RAB38: variants seen among roughly 807,000 people sequenced by gnomAD.
RAB38 encodes ras-related protein Rab-38.
A neutral mutation model predicts 18.4 loss-of-function variants in RAB38; 15 were observed. The observed-to-expected ratio is 0.82, with a 90% confidence interval of 0.55 to 1.26. The LOEUF is 1.26. RAB38 is among the 50% of genes most tolerant of loss of function. The probability of loss-of-function intolerance (pLI) is 0.00; values close to 1 mark genes in which losing one functional copy is unlikely to be tolerated. For missense variants in RAB38, 294 were observed against 267.4 expected (o/e 1.10, Z -0.69); for synonymous variants, 101 against 104.4 (o/e 0.97, Z 0.20).
chr11:88,004,433 A>G, the RAB38 span, among the ~76,000 whole-genome samples: 2 of 151,260 alleles, frequency 1.3e-5, no homozygotes, highest in African/African-American at 4.8e-5. Flanking sequence ...TACCAATTCT[A>G]TCAAAAACTA....
At chr11:88,163,710 C>T (rs12574131) in intron 1 of RAB38, among the ~76,000 whole-genome samples, 37,901 of 152,056 alleles carry the variant, frequency 0.25, 4,768 homozygotes, top group Admixed American at 0.27. Context: ...ATTATAGTGA[C>T]CTACTTTTGA....
At chr11:87,964,009 AAC>A in the RAB38 span, among the ~76,000 whole-genome samples, 1 of 152,182 alleles carries the variant, frequency 6.6e-6, no homozygotes, top group African/African-American at 2.4e-5. Flanking sequence ...ATAAGGGAAA[AAC>A]ACACAAAAAT....
chr11:87,830,006 T>G, the RAB38 span, among the ~76,000 whole-genome samples: 1 of 152,192 alleles, frequency 6.6e-6, no homozygotes, highest in Non-Finnish European at 1.5e-5. Flanking sequence ...TTCTGTCAAT[T>G]GAATAGTCAG....
chr11:88,038,261 C>T, the RAB38 span, among the ~76,000 whole-genome samples: 2 of 152,250 alleles, frequency 1.3e-5, no homozygotes, highest in African/African-American at 4.8e-5. Flanking sequence ...CAGCAGCTTT[C>T]CTAGTGTCCA....
At chr11:88,089,574 C>T in the RAB38 span, among the ~76,000 whole-genome samples, 42 of 152,036 alleles carry the variant, frequency 2.8e-4, no homozygotes, top group Admixed American at 1.2e-3. Flanking sequence ...AACCTTGCTA[C>T]AATTGACTGG....
the RAB38 span, among the ~76,000 whole-genome samples, chr11:88,064,107 A>G: frequency 6.6e-6 from 1 of 152,230 alleles, no homozygotes; most frequent in Non-Finnish European, 1.5e-5. Flanking sequence ...ACTGTCATCA[A>G]TGGAGATTCC....
chr11:87,857,234 A>G, the RAB38 span, among the ~76,000 whole-genome samples: 3 of 152,140 alleles, frequency 2.0e-5, no homozygotes, highest in Admixed American at 1.3e-4. Context: ...TGATGCATAT[A>G]TGCCACATTT....
chr11:87,975,711 A>T, the RAB38 span, among the ~76,000 whole-genome samples: 1 of 151,818 alleles, frequency 6.6e-6, no homozygotes, highest in Non-Finnish European at 1.5e-5. Flanking sequence ...TTAATTCTAA[A>T]TATGCTGTAA....
the RAB38 span, among the ~76,000 whole-genome samples, chr11:88,012,759 A>G: frequency 2.6e-5 from 4 of 152,106 alleles, no homozygotes; most frequent in Admixed American, 6.6e-5. Flanking sequence ...CTCCTCCACT[A>G]TACTTCCTGT....
chr11:88,141,890 A>G (rs1169210257), intron 2 of RAB38, among the ~76,000 whole-genome samples: 2 of 152,090 alleles, frequency 1.3e-5, no homozygotes, highest in African/African-American at 4.8e-5. Context: ...CTACCCTCAT[A>G]CATCATATGG....
the RAB38 span, among the ~76,000 whole-genome samples, chr11:87,878,222 T>TATATATATATATATATATAC: frequency 1.1e-3 from 130 of 116,192 alleles, 6 homozygotes; most frequent in Admixed American, 1.6e-3. Context: ...TATATATATA[T>TATATATATATATATATATAC]ACACACATAT....
At chr11:88,169,315 G>T (rs1198154052) in intron 1 of RAB38, among the ~76,000 whole-genome samples, 1 of 152,120 alleles carries the variant, frequency 6.6e-6, no homozygotes. Flanking sequence ...ATTAAGTGGG[G>T]GCAAATATGC....
intron 1 of RAB38, among the ~76,000 whole-genome samples, chr11:88,152,860 C>A (rs1204049037): frequency 1.3e-5 from 2 of 152,218 alleles, no homozygotes; most frequent in African/African-American, 2.4e-5. Flanking sequence ...ATACTTTGTG[C>A]TGGAAATATA....
chr11:87,957,978 G>C, the RAB38 span, among the ~76,000 whole-genome samples: 2 of 152,090 alleles, frequency 1.3e-5, no homozygotes, highest in Non-Finnish European at 2.9e-5. Flanking sequence ...ATAAAGCACA[G>C]CTGGTCCCAG....
At chr11:87,859,742 A>G in the RAB38 span, among the ~76,000 whole-genome samples, 1 of 152,036 alleles carries the variant, frequency 6.6e-6, no homozygotes, top group Non-Finnish European at 1.5e-5. Flanking sequence ...TCAGGGATTA[A>G]CAATAGGTCA....
At chr11:87,850,714 CCACACACACACACA>C in the RAB38 span, among the ~76,000 whole-genome samples, 4 of 146,408 alleles carry the variant, frequency 2.7e-5, no homozygotes, top group South Asian at 6.7e-4. Context: ...CACAACACTG[CCACACACACACACA>C]CACACACACA....
At chr11:87,936,310 T>C in the RAB38 span, among the ~76,000 whole-genome samples, 1 of 152,184 alleles carries the variant, frequency 6.6e-6, no homozygotes, top group South Asian at 2.1e-4. Flanking sequence ...TTTGAATTAA[T>C]GTAGAAGGTG....
At chr11:88,004,159 A>T in the RAB38 span, among the ~76,000 whole-genome samples, 1 of 149,318 alleles carries the variant, frequency 6.7e-6, no homozygotes, top group African/African-American at 2.4e-5. Flanking sequence ...CTTATAGAAC[A>T]ATTGCCTCAT....
chr11:87,850,852 C>A, the RAB38 span, among the ~76,000 whole-genome samples: 1 of 152,062 alleles, frequency 6.6e-6, no homozygotes, highest in African/African-American at 2.4e-5. Flanking sequence ...AGTGCTACAC[C>A]TTTCTTTAAC....
Sources: allele counts gnomAD v4.1 joint callset (sites outside exome capture counted in the v4.1 genomes callset), GRCh38; gene constraint gnomAD v4.1.1; transcripts MANE v1.5; gene names NCBI Gene and HGNC (gene_info 2026-07-23, HGNC 2026-07-21).